MAPK6: variants seen among roughly 807,000 people sequenced by gnomAD.
MAPK6 encodes ERK-3.
Under a neutral mutation model 59.3 loss-of-function variants are expected in MAPK6, and 19 were observed. The ratio of observed to expected loss-of-function variants is 0.32; its 90% CI spans 0.22 to 0.47. The LOEUF is 0.47. Ranked by LOEUF, MAPK6 falls within the 20% of genes least tolerant of loss-of-function variation. The pLI, the probability that MAPK6 is intolerant of heterozygous loss-of-function variation, is 1.00. For synonymous variants in MAPK6, 316 were observed against 290.3 expected, an observed-to-expected ratio of 1.09 and a Z score of -0.90; for missense variants, 724 against 847.9, an observed-to-expected ratio of 0.85 and a Z score of 1.81.
chr15:51,998,708 T>TTTTTTTTTTTTTTTTTTTG (rs71130113), intron 2 of MAPK6, among the ~76,000 whole-genome samples: 1 of 122,492 alleles, frequency 8.2e-6, no homozygotes, highest in African/African-American at 3.0e-5. Context: ...TTTTTTTTTT[T>TTTTTTTTTTTTTTTTTTTG]GAGACGGAGT....
At chr15:51,996,454 G>C (rs1378378169) in intron 2 of MAPK6, among the ~76,000 whole-genome samples, 1 of 152,034 alleles carries the variant, frequency 6.6e-6, no homozygotes. Flanking sequence ...GGAGTGCAGT[G>C]GTGCAATCTT....
At chr15:52,008,362 A>G (rs942760059) in intron 3 of MAPK6, among the ~76,000 whole-genome samples, 1 of 152,154 alleles carries the variant, frequency 6.6e-6, no homozygotes, top group Non-Finnish European at 1.5e-5. Flanking sequence ...TTCTGGTTCC[A>G]GTGGAAAACA....
At chr15:52,021,604 T>C (rs1318158369) in intron 1 of MAPK6, 1 of 152,212 alleles carries the variant, frequency 6.6e-6, no homozygotes, top group Non-Finnish European at 1.5e-5. Flanking sequence ...ATTAAATGTT[T>C]GATACTAGCA....
At chr15:52,048,184 T>C (rs2031655260) in intron 2 of MAPK6, among the ~76,000 whole-genome samples, 1 of 152,100 alleles carries the variant, frequency 6.6e-6, no homozygotes, top group Non-Finnish European at 1.5e-5. Context: ...AGTTGTGCTC[T>C]TGTCACCAAG....
chr15:51,977,487 G>A (rs2057160735), intron 1 of MAPK6, among the ~76,000 whole-genome samples: 1 of 151,696 alleles, frequency 6.6e-6, no homozygotes, highest in South Asian at 2.1e-4. Context: ...ACCCCCATCT[G>A]TTATCGCCCT....
In MAPK6 at chr15:52,059,161, A is replaced by G. The variant is rs1462287869; in HGVS notation, c.865+364A>G. 3.9e-5 allele frequency among the ~76,000 whole-genome samples: 6 copies of G among 152,348 alleles called. No individual in the cohort carries two copies. The South Asian group carries it at 1.0e-3, about 26-fold the overall frequency. The stretch of plus-strand genomic sequence containing the variant: ...TTTCAGCCGGTTTTGCAGGCTTTTC[A>G]GTAGTTCCACATTCTTAATCAGTCT... On this transcript the variant is annotated intron_variant, in intron 4 of 5. Coordinates refer to ENST00000261845, the MANE Select transcript of MAPK6 (RefSeq NM_002748.4).
intron 1 of MAPK6, among the ~76,000 whole-genome samples, chr15:51,975,532 T>A (rs2057154850): frequency 1.3e-5 from 2 of 150,814 alleles, no homozygotes; most frequent in Non-Finnish European, 3.0e-5. Flanking sequence ...AGAGCAAGAC[T>A]CCGTCTAAAA....
chr15:52,020,994 C>T (rs1244469207), intron 1 of MAPK6, among the ~76,000 whole-genome samples: 1 of 152,090 alleles, frequency 6.6e-6, no homozygotes, highest in East Asian at 1.9e-4. Flanking sequence ...AAAATGGAGA[C>T]TATTTTAGAA....
At chr15:51,973,999 C>A (rs1339460981) in intron 1 of MAPK6, among the ~76,000 whole-genome samples, 1 of 151,866 alleles carries the variant, frequency 6.6e-6, no homozygotes, top group Non-Finnish European at 1.5e-5. Context: ...TACTCATTAT[C>A]TTTCTTCATA....
At position 51,975,466 on chromosome 15, in the gene MAPK6, G is replaced by A. The variant is rs557876627; in HGVS notation, c.-880+3560G>A. ...TGAGGCAGGAGAATCGCTTGAATCC[G>A]GGAGGCGGAGGTTGCAGTGAGCCAA... On this transcript the variant is annotated intron_variant, in intron 1 of 7. Coordinates refer to the MAPK6 transcript ENST00000691380. Among the ~76,000 whole-genome samples, 15 of 151,588 alleles carry A rather than the reference G, an allele frequency of 9.9e-5. No individual in the cohort carries two copies. In the South Asian group the frequency reaches 2.3e-3, roughly 23 times the overall value.
chr15:52,030,611 C>CTTTTT lies in MAPK6; in HGVS notation c.-632+11261_-632+11265dup, dbSNP rs11295636. Among the ~76,000 whole-genome samples, 15 of 35,744 alleles carry CTTTTT rather than the reference C, an allele frequency of 4.2e-4. 1 individual carries two copies. Among genetic ancestry groups the CTTTTT allele is most frequent in the African/African-American group, 1.3e-3 (11 of 8,780 alleles). 23.4% of individuals were successfully genotyped at this position (35,744 alleles called of 152,430 possible). ...TGTGTTTTAGTTATGCAGAAGAAGG[C>CTTTTT]TTTTTTTTTTTTTTTTTTTTTTTTT... On this transcript the variant is annotated intron_variant, in intron 1 of 5. Coordinates refer to ENST00000261845, the MANE Select transcript of MAPK6 (RefSeq NM_002748.4).
intron 1 of MAPK6, among the ~76,000 whole-genome samples, chr15:51,975,307 C>T (rs2057154205): frequency 6.6e-6 from 1 of 151,592 alleles, no homozygotes; most frequent in Non-Finnish European, 1.5e-5. Flanking sequence ...CTTTGGGAGG[C>T]CAAGGCAGGT....
chr15:52,013,532 C>T (rs2030150305), intron 3 of MAPK6, among the ~76,000 whole-genome samples: 1 of 152,138 alleles, frequency 6.6e-6, no homozygotes, highest in South Asian at 2.1e-4. Context: ...AACTGGGTGA[C>T]TTAAGACACA....
intron 1 of MAPK6, among the ~76,000 whole-genome samples, chr15:52,023,903 C>T (rs181647176): frequency 1.3e-5 from 2 of 152,312 alleles, no homozygotes; most frequent in Non-Finnish European, 2.9e-5. Context: ...TGAGCCACCG[C>T]GCCCAGCCAA....
chr15:52,031,934 T>C lies in MAPK6; in HGVS notation c.-632+12558T>C, dbSNP rs921975089. Among the ~76,000 whole-genome samples, 3 of 152,166 alleles carry C rather than the reference T, an allele frequency of 2.0e-5. No individual in the cohort carries two copies. The South Asian group carries it at 6.2e-4, about 32-fold the overall frequency. ...TTTTTTTTTTGAGGCGGAGTCTCGC[T>C]CTGTTGCCCAGGTTGGAGTACAGTG... On this transcript the variant is annotated intron_variant, in intron 1 of 5. Coordinates refer to ENST00000261845, the MANE Select transcript of MAPK6 (RefSeq NM_002748.4).
At chr15:52,005,743 G>A (rs1282105882) in intron 3 of MAPK6, among the ~76,000 whole-genome samples, 2 of 152,112 alleles carry the variant, frequency 1.3e-5, no homozygotes, top group African/African-American at 4.8e-5. Flanking sequence ...TTAAAGTTGA[G>A]ATTAAATGAC....
intron 5 of MAPK6, among the ~76,000 whole-genome samples, chr15:52,061,930 TTAAC>T (rs2032220313): frequency 6.6e-6 from 1 of 152,150 alleles, no homozygotes; most frequent in African/African-American, 2.4e-5. Context: ...ATAAAGTCCT[TTAAC>T]TGTGATTTTA....
chr15:52,011,256 C>G (rs996358002), intron 3 of MAPK6: 1 of 152,102 alleles, frequency 6.6e-6, no homozygotes, highest in Non-Finnish European at 1.5e-5. Context: ...AACAGGATCT[C>G]TCTATGTTGA....
chr15:51,983,816 CTAAAATAATAAT>C (rs1475430542), intron 2 of MAPK6, among the ~76,000 whole-genome samples: 1 of 151,906 alleles, frequency 6.6e-6, no homozygotes, highest in African/African-American at 2.4e-5. Context: ...ATAATTATTA[CTAAAATAATAAT>C]AAGACAGCCT....
Sources: allele counts gnomAD v4.1 joint callset (sites outside exome capture counted in the v4.1 genomes callset), GRCh38; gene constraint gnomAD v4.1.1; transcripts MANE v1.5; gene names NCBI Gene and HGNC (gene_info 2026-07-23, HGNC 2026-07-21).